The following NKAIN2 variants were observed in gnomAD, a reference collection of about 807,000 sequenced individuals.
NKAIN2 encodes sodium/potassium transporting ATPase interacting 2, also known as sodium/potassium-transporting ATPase subunit beta-1-interacting protein 2.
NKAIN2 carries 14 observed loss-of-function variants against 32.6 expected under a neutral mutation model. That is an observed-to-expected ratio of 0.43 (90% CI 0.28 to 0.67). The LOEUF (loss-of-function observed/expected upper bound fraction) is 0.67. Ranked by LOEUF, NKAIN2 falls within the 30% of genes least tolerant of loss-of-function variation. The pLI is 0.17. For synonymous variants in NKAIN2, 80 were observed against 87.2 expected (o/e 0.92, Z 0.46); for missense variants, 198 against 258.3 (o/e 0.77, Z 1.60).
At chr6:124,270,636 A>C (rs1402064726) in intron 1 of NKAIN2, among the ~76,000 whole-genome samples, 1 of 152,208 alleles carries the variant, frequency 6.6e-6, no homozygotes, top group Non-Finnish European at 1.5e-5. Flanking sequence ...TGAATACAAA[A>C]TCAGTACTGA....
chr6:123,873,744 G>A (rs2114295372), intron 1 of NKAIN2, among the ~76,000 whole-genome samples: 1 of 152,270 alleles, frequency 6.6e-6, no homozygotes, highest in African/African-American at 2.4e-5. Context: ...GTGATTGTCA[G>A]GAGAGACTGG....
intron 1 of NKAIN2, among the ~76,000 whole-genome samples, chr6:123,949,689 A>G (rs891720459): frequency 3.3e-5 from 5 of 151,868 alleles, no homozygotes; most frequent in Non-Finnish European, 5.9e-5. Flanking sequence ...TCGGTTTAAG[A>G]TTTTTTTGGT....
chr6:124,388,204 C>T (rs1772994436), intron 3 of NKAIN2, among the ~76,000 whole-genome samples: 1 of 151,806 alleles, frequency 6.6e-6, no homozygotes, highest in Non-Finnish European at 1.5e-5. Flanking sequence ...CCCTGCTTAC[C>T]CTCTTGTTAC....
intron 1 of NKAIN2, among the ~76,000 whole-genome samples, chr6:124,267,898 T>A (rs1365562926): frequency 6.6e-6 from 1 of 152,214 alleles, no homozygotes; most frequent in Non-Finnish European, 1.5e-5. Flanking sequence ...GAATAAGAAC[T>A]TTAAAAAGAC....
At position 124,239,153 on chromosome 6, in the gene NKAIN2, G is replaced by A. The variant is rs542986941; in HGVS notation, c.55-43852G>A. 6.6e-4 allele frequency among the ~76,000 whole-genome samples: 100 copies of A among 152,120 alleles called. No homozygotes were observed. In the East Asian group the frequency reaches 0.018, roughly 28 times the overall value. On this transcript the variant is annotated intron_variant, in intron 1 of 6. Transcript: ENST00000368417. Reference sequence around the variant, plus strand: ...CTTTAAACCAACAAAGATAAAAAAAGGAAGGGCATTACATAATGATAAAGT... The same window carrying A: ...CTTTAAACCAACAAAGATAAAAAAAAGAAGGGCATTACATAATGATAAAGT...
intron 2 of NKAIN2, among the ~76,000 whole-genome samples, chr6:124,325,438 A>G (rs1583051525): frequency 6.6e-6 from 1 of 152,128 alleles, no homozygotes; most frequent in Non-Finnish European, 1.5e-5. Context: ...AGAAAGTCTT[A>G]TATATGAATG....
At chr6:124,213,907 C>T (rs1305950196) in intron 1 of NKAIN2, among the ~76,000 whole-genome samples, 5 of 152,044 alleles carry the variant, frequency 3.3e-5, no homozygotes, top group Non-Finnish European at 4.4e-5. Context: ...ACATGAAACT[C>T]GGCATTTTCA....
intron 3 of NKAIN2, among the ~76,000 whole-genome samples, chr6:124,537,911 A>G (rs1017333961): frequency 6.6e-6 from 1 of 152,194 alleles, no homozygotes; most frequent in Admixed American, 6.5e-5. Flanking sequence ...GTATTTGCCT[A>G]GTAAATCTTT....
rs554647592 is a variant in NKAIN2 at position 124,541,774 on chromosome 6, C to T, written c.274-116412C>T. On this transcript the variant is annotated intron_variant, in intron 3 of 6. Transcript: ENST00000368417. The stretch of plus-strand genomic sequence containing the variant: ...TTTTCCTAATGCTGGCATCCGTCTC[C>T]TTGGAGACATCCATCAGAGACTTGT... Among the ~76,000 whole-genome samples, 402 of 152,314 alleles carry T rather than the reference C, an allele frequency of 2.6e-3. 2 individuals carry two copies. Among genetic ancestry groups the T allele is most frequent in the Non-Finnish European group, 4.3e-3 (291 of 67,992 alleles).
intron 3 of NKAIN2, among the ~76,000 whole-genome samples, chr6:124,392,287 A>G (rs186270958): frequency 8.5e-5 from 13 of 152,254 alleles, no homozygotes; most frequent in Admixed American, 7.2e-4. Flanking sequence ...GGTTTACTGT[A>G]ATATTCAGTA....
intron 1 of NKAIN2, among the ~76,000 whole-genome samples, chr6:123,892,691 A>G (rs1296947692): frequency 6.6e-6 from 1 of 151,812 alleles, no homozygotes; most frequent in Admixed American, 6.6e-5. Flanking sequence ...TACTTTTTAA[A>G]TATTCATGGA....
intron 1 of NKAIN2, among the ~76,000 whole-genome samples, chr6:123,834,403 C>T (rs1426833942): frequency 6.6e-6 from 1 of 152,122 alleles, no homozygotes; most frequent in Non-Finnish European, 1.5e-5. Flanking sequence ...GAGCCACCTG[C>T]CTCAGCCTCC....
intron 2 of NKAIN2, among the ~76,000 whole-genome samples, chr6:124,339,749 A>G (rs1403547046): frequency 6.6e-6 from 1 of 152,148 alleles, no homozygotes; most frequent in Non-Finnish European, 1.5e-5. Context: ...TATAATAGTA[A>G]CATTCACAGG....
At chr6:124,159,732 A>T (rs1400634997) in intron 1 of NKAIN2, among the ~76,000 whole-genome samples, 1 of 152,160 alleles carries the variant, frequency 6.6e-6, no homozygotes, top group East Asian at 1.9e-4. Context: ...GAAACAAAGG[A>T]TTTGAAGTGG....
At chr6:124,815,009 C>A (rs1415073933) in intron 5 of NKAIN2, among the ~76,000 whole-genome samples, 2 of 151,694 alleles carry the variant, frequency 1.3e-5, no homozygotes, top group African/African-American at 2.4e-5. Flanking sequence ...CTGTTTTTGT[C>A]TGCCCTGATC....
intron 3 of NKAIN2, among the ~76,000 whole-genome samples, chr6:124,634,148 C>T (rs775667642): frequency 1.5e-4 from 22 of 151,712 alleles, no homozygotes; most frequent in Non-Finnish European, 2.1e-4. Flanking sequence ...GAAAAAATAA[C>T]GGTTTCACCA....
chr6:124,707,918 T>C (rs546921967), intron 4 of NKAIN2, among the ~76,000 whole-genome samples: 4 of 152,186 alleles, frequency 2.6e-5, no homozygotes, highest in South Asian at 2.1e-4. Flanking sequence ...TCCTTGCCCA[T>C]GCCTATGTCC....
At chr6:124,820,730 C>T (rs1253778425) in intron 6 of NKAIN2, among the ~76,000 whole-genome samples, 1 of 152,132 alleles carries the variant, frequency 6.6e-6, no homozygotes, top group East Asian at 1.9e-4. Flanking sequence ...TAAGCTCTGC[C>T]TCCTGTCTGA....
chr6:123,968,314 G>A (rs987342685), intron 1 of NKAIN2, among the ~76,000 whole-genome samples: 1 of 152,100 alleles, frequency 6.6e-6, no homozygotes, highest in African/African-American at 2.4e-5. Context: ...GTCCAAAATA[G>A]GAGCCACGGG....
Sources: gnomAD v4.1 joint callset for allele counts (sites outside exome capture counted in the v4.1 genomes callset) on GRCh38, gnomAD v4.1.1 for gene constraint, MANE v1.5 for transcripts, NCBI Gene and HGNC (gene_info 2026-07-23, HGNC 2026-07-21) for gene names.